Variants in TDRD7 observed in about 807,000 individuals in gnomAD.
TDRD7 encodes tudor domain-containing protein 7.
TDRD7 carries 47 observed loss-of-function variants against 109.8 expected under a neutral mutation model. The observed-to-expected ratio is 0.43, with a 90% CI of 0.34 to 0.55. The LOEUF (loss-of-function observed/expected upper bound fraction) is 0.55. TDRD7 is among the 20% of genes least tolerant of loss of function. The pLI is 0.03. For synonymous variants in TDRD7, 424 were observed against 457.3 expected, an observed-to-expected ratio of 0.93 and a Z score of 0.93; for missense variants, 1,164 against 1,319.2, an observed-to-expected ratio of 0.88 and a Z score of 1.82.
chr9:97,455,572 A>G (rs1359992113), intron 6 of TDRD7, among the ~76,000 whole-genome samples: 2 of 152,216 alleles, frequency 1.3e-5, no homozygotes, highest in Non-Finnish European at 2.9e-5. Context: ...AAAGACAAAA[A>G]CCACATGATT....
At position 97,473,624 on chromosome 9, in the gene TDRD7, A is replaced by C. The variant is rs770840226; in HGVS notation, c.2077A>C (p.Lys693Gln). 4.3e-6 allele frequency: 7 copies of C among 1,613,550 alleles called. No homozygotes were observed. In the East Asian group the frequency reaches 1.1e-4, roughly 26 times the overall value. Reference protein sequence around the residue: ...LRKIEDYFHCKHMTSECFVSL... With the variant: ...LRKIEDYFHCQHMTSECFVSL... ...TAAGATAGAGGACTACTTCCATTGC[A>C]AGGTATAGCAGAACCTCTTCTACCT... The change falls in exon 11 of 17, where the codon AAG (lysine) becomes CAG (glutamine). Residue 693 changes from lysine to glutamine, a missense_variant and splice_region_variant. Coordinates refer to ENST00000355295, the MANE Select transcript of TDRD7 (RefSeq NM_014290.3).
At chr9:97,449,701 C>T (rs1251611542) in intron 6 of TDRD7, among the ~76,000 whole-genome samples, 4 of 152,122 alleles carry the variant, frequency 2.6e-5, no homozygotes, top group East Asian at 3.9e-4. Flanking sequence ...TCAGCTTGAC[C>T]TTCAGTGCCT....
intron 6 of TDRD7, among the ~76,000 whole-genome samples, chr9:97,457,976 CTATTAGGGGGT>C (rs1409796317): frequency 6.6e-6 from 1 of 152,026 alleles, no homozygotes; most frequent in African/African-American, 2.4e-5. Flanking sequence ...TTACCAGGGC[CTATTAGGGGGT>C]TATTAGGGGC....
At chr9:97,431,887 C>T (rs1410043521) in intron 3 of TDRD7, 138 bp from the exon 4 acceptor site, 1 of 808,970 alleles carries the variant, frequency 1.2e-6, no homozygotes, top group African/African-American at 1.7e-5. Flanking sequence ...ACCAGCCCTC[C>T]AGTGGCAACC....
chr9:97,459,346 A>AT (rs898463982), intron 6 of TDRD7, among the ~76,000 whole-genome samples: 1 of 151,898 alleles, frequency 6.6e-6, no homozygotes, highest in Admixed American at 6.6e-5. Context: ...AATTCTTTTG[A>AT]TTTTTTTTCT....
chr9:97,486,017 A>ATCCTATAGCAGCTGCATGGGTT (rs1411262958), intron 15 of TDRD7, among the ~76,000 whole-genome samples: 4 of 152,140 alleles, frequency 2.6e-5, no homozygotes, highest in African/African-American at 9.7e-5. Context: ...TCTGTAGTTC[A>ATCCTATAGCAGCTGCATGGGTT]TCCTATAGCA....
At chr9:97,424,129 C>G (rs1481850997) in intron 1 of TDRD7, among the ~76,000 whole-genome samples, 1 of 134,206 alleles carries the variant, frequency 7.5e-6, no homozygotes, top group African/African-American at 2.8e-5. Context: ...TTTTGGCTCA[C>G]TGCAACCTCC....
intron 8 of TDRD7, among the ~76,000 whole-genome samples, chr9:97,469,252 T>C (rs10982263): frequency 6.6e-6 from 1 of 152,306 alleles, no homozygotes; most frequent in East Asian, 1.9e-4. Context: ...AAGCAGGTGC[T>C]AATTTAGGAT....
At chr9:97,448,940 T>C (rs1326645327) in intron 6 of TDRD7, among the ~76,000 whole-genome samples, 1 of 152,190 alleles carries the variant, frequency 6.6e-6, no homozygotes, top group Non-Finnish European at 1.5e-5. Flanking sequence ...AGGCCCATGC[T>C]AAAGAATTAG....
At chr9:97,467,034 C>T (rs1244008928) in intron 8 of TDRD7, among the ~76,000 whole-genome samples, 1 of 152,162 alleles carries the variant, frequency 6.6e-6, no homozygotes, top group African/African-American at 2.4e-5. Context: ...GGCACTAGTC[C>T]TGAGTCTGCC....
intron 6 of TDRD7, among the ~76,000 whole-genome samples, chr9:97,444,723 C>G (rs772899750): frequency 6.6e-6 from 1 of 151,884 alleles, no homozygotes; most frequent in Non-Finnish European, 1.5e-5. Flanking sequence ...GTTTTTTCCT[C>G]CAACCAGATA....
At chr9:97,431,591 A>G (rs1436712869) in intron 3 of TDRD7, among the ~76,000 whole-genome samples, 1 of 152,248 alleles carries the variant, frequency 6.6e-6, no homozygotes, top group Admixed American at 6.5e-5. Flanking sequence ...AATACAAAGC[A>G]GTAGATGACT....
intron 1 of TDRD7, among the ~76,000 whole-genome samples, chr9:97,424,999 A>T (rs1160446536): frequency 2.0e-5 from 3 of 152,080 alleles, no homozygotes; most frequent in Non-Finnish European, 4.4e-5. Context: ...CCTCTTTATC[A>T]TAGTCAGCTT....
intron 14 of TDRD7, among the ~76,000 whole-genome samples, chr9:97,482,336 G>C (rs1829129537): frequency 6.6e-6 from 1 of 152,132 alleles, no homozygotes; most frequent in Non-Finnish European, 1.5e-5. Context: ...TTGAAAGAGG[G>C]GTGCTTACAG....
chr9:97,415,638 G>GA (rs1326656302), intron 1 of TDRD7, among the ~76,000 whole-genome samples: 1 of 152,020 alleles, frequency 6.6e-6, no homozygotes, highest in Non-Finnish European at 1.5e-5. Context: ...TATAAGCGAA[G>GA]AAAAAAAGGA....
At chr9:97,470,806 G>A (rs531130254) in intron 9 of TDRD7, 137 bp downstream of exon 9, 21 of 668,976 alleles carry the variant, frequency 3.1e-5, no homozygotes, top group East Asian at 3.0e-4. Context: ...AATTCATGTC[G>A]AATGTATTCT....
At chr9:97,443,697 A>G (rs1828351887) in intron 6 of TDRD7, among the ~76,000 whole-genome samples, 1 of 152,242 alleles carries the variant, frequency 6.6e-6, no homozygotes, top group Non-Finnish European at 1.5e-5. Flanking sequence ...GTTTAAATCC[A>G]TAGAACTTTA....
chr9:97,481,952 G>A (rs1312596082), intron 14 of TDRD7, among the ~76,000 whole-genome samples: 2 of 152,034 alleles, frequency 1.3e-5, no homozygotes, highest in South Asian at 2.1e-4. Flanking sequence ...CTCCCTCTCC[G>A]CAGACCTGTG....
At chr9:97,427,158 G>A (rs573836847) in intron 1 of TDRD7, among the ~76,000 whole-genome samples, 1 of 152,174 alleles carries the variant, frequency 6.6e-6, no homozygotes, top group East Asian at 1.9e-4. Flanking sequence ...TAATAAAAGG[G>A]TAAGCCATTT....
Sources: allele counts gnomAD v4.1 joint callset (sites outside exome capture counted in the v4.1 genomes callset), GRCh38; gene constraint gnomAD v4.1.1; transcripts MANE v1.5; gene names NCBI Gene and HGNC (gene_info 2026-07-23, HGNC 2026-07-21).